Variants in MAP2K7 observed in about 807,000 individuals in gnomAD.
The protein encoded by MAP2K7 is mitogen-activated protein kinase kinase 7.
A neutral mutation model predicts 47.7 loss-of-function variants in MAP2K7; 12 were observed. The ratio of observed to expected loss-of-function variants is 0.25; its 90% CI spans 0.16 to 0.41. MAP2K7 has a LOEUF of 0.41. MAP2K7 is among the 10% of genes least tolerant of loss of function. The pLI, the probability that MAP2K7 is intolerant of heterozygous loss-of-function variation, is 1.00. For missense variants in MAP2K7, 415 were observed against 600.3 expected (o/e 0.69, Z 3.23); for synonymous variants, 299 against 243.0 (o/e 1.23, Z -2.14).
At chr19:7,912,086 G>A (rs1252819139) in intron 9 of MAP2K7, 63 bp from the exon 10 acceptor site, 6 of 1,517,634 alleles carry the variant, frequency 4.0e-6, no homozygotes, top group South Asian at 1.1e-5. Flanking sequence ...CCTGAGCACA[G>A]GGGTGGGGCC....
intron 9 of MAP2K7, 97 bp downstream of exon 9, chr19:7,911,675 G>T: frequency 3.2e-6 from 4 of 1,252,836 alleles, no homozygotes; most frequent in Non-Finnish European, 1.1e-6. Flanking sequence ...CGCACCCTGG[G>T]ATGGGCGGAT....
chr19:7,905,268 C>CA (rs1982373023), intron 1 of MAP2K7, among the ~76,000 whole-genome samples: 1 of 102,608 alleles, frequency 9.7e-6, no homozygotes, highest in Non-Finnish European at 2.3e-5. Flanking sequence ...AAAGGTACCC[C>CA]CGTATCTGGG....
At chr19:7,910,190 G>C (rs745916975) in intron 3 of MAP2K7, 61 bp downstream of exon 3, 1 of 1,597,106 alleles carries the variant, frequency 6.3e-7, no homozygotes, top group South Asian at 1.1e-5. Flanking sequence ...CCCATCCTGG[G>C]AGCGCCAGTG....
Position 7,910,589 on chromosome 19 carries a change from G to A in MAP2K7, c.567+17G>A, listed in dbSNP as rs201177413. 653 of 1,613,242 alleles carry A rather than the reference G, an allele frequency of 4.0e-4. 8 individuals carry two copies. In the South Asian group the frequency reaches 6.4e-3, roughly 16 times the overall value. On this transcript the variant is annotated intron_variant, in intron 5 of 10. Coordinates refer to ENST00000397979, the MANE Select transcript of MAP2K7 (RefSeq NM_145185.4). ...ATCACCAACGTGAGTACCTGGCCGCGCCCTGCAGCGTCTCCTCCTCCCTCA... is the reference window on the plus strand; with the variant it reads ...ATCACCAACGTGAGTACCTGGCCGCACCCTGCAGCGTCTCCTCCTCCCTCA...
At position 7,914,424 on chromosome 19, in the gene MAP2K7, G is replaced by A. The variant is rs1192648557; in HGVS notation, c.*1993G>A. On this transcript the variant is annotated 3_prime_UTR_variant, in exon 11 of 11. Transcript: ENST00000397979. ...GCCCTGCCCCTTTTTAAAACAAAAT[G>A]CCCTCGTTTGTAAACCCTTAGACGC... 6.6e-6 allele frequency: 1 copy of A among 152,328 alleles called. No homozygotes were observed. The highest frequency in any genetic ancestry group is 1.5e-5 in the Non-Finnish European group (1 of 68,066). The allele number at this position is 152,328 out of a possible 1,614,324, so 9.4% of individuals were successfully genotyped here.
intron 1 of MAP2K7, among the ~76,000 whole-genome samples, chr19:7,907,673 G>C (rs1982554089): frequency 6.6e-6 from 1 of 152,190 alleles, no homozygotes; most frequent in Non-Finnish European, 1.5e-5. Flanking sequence ...TGGTCCGGCA[G>C]CCTCCTCCCC....
Position 7,913,041 on chromosome 19 carries a change from G to GTGCTCTCTCT in MAP2K7, c.*610_*611insTGCTCTCTCT, listed in dbSNP as rs1184417328. 2.2e-5 allele frequency: 3 copies of GTGCTCTCTCT among 134,886 alleles called. No individual in the cohort carries two copies. The highest frequency in any genetic ancestry group is 1.4e-4 in the Admixed American group (2 of 14,084). The allele number at this position is 134,886 out of a possible 1,614,324, so 8.4% of individuals were successfully genotyped here. Reference sequence around the variant, plus strand: ...TGCGGCTGGACGGGGCTGCGCGCTCGCGCTCTCTCTCTCTCTCTCTCTCTC... The same window carrying GTGCTCTCTCT: ...TGCGGCTGGACGGGGCTGCGCGCTCGTGCTCTCTCTCGCTCTCTCTCTCTCTCTCTCTCTC... On this transcript the variant is annotated 3_prime_UTR_variant, in exon 11 of 11. Transcript: ENST00000397979.
In MAP2K7 at chr19:7,904,307, G is replaced by GC. The variant is rs1982294910; in HGVS notation, c.124+244dup. On this transcript the variant is annotated intron_variant, in intron 1 of 10. Coordinates refer to ENST00000397979, the MANE Select transcript of MAP2K7 (RefSeq NM_145185.4). Reference sequence around the variant, plus strand: ...AGCCCAGTTCCCGGACCCAGGCGAGGCCCCCAGCTGATGACCCGCCCCCAT... The same window carrying GC: ...AGCCCAGTTCCCGGACCCAGGCGAGGCCCCCCAGCTGATGACCCGCCCCCAT... The GC allele has an allele frequency of 7.8e-5, 18 of 229,780 alleles. No homozygotes were observed. In the South Asian group the frequency reaches 1.4e-3, roughly 18 times the overall value. 14.2% of individuals were successfully genotyped at this position (229,780 alleles called of 1,614,324 possible).
rs992007048 is a variant in MAP2K7 at position 7,905,800 on chromosome 19, C to T, written c.124+1732C>T. 4 of 1,611,358 alleles carry T rather than the reference C, an allele frequency of 2.5e-6. No individual in the cohort carries two copies. In the African/African-American group the frequency reaches 5.3e-5, roughly 22 times the overall value. ...GGTGTTGTTTTTTTCTTCCTTTTCCCCATCCAGTTATTGTGATCACTCTAA... is the reference window on the plus strand; with the variant it reads ...GGTGTTGTTTTTTTCTTCCTTTTCCTCATCCAGTTATTGTGATCACTCTAA... On this transcript the variant is annotated intron_variant, in intron 1 of 10. Transcript: ENST00000397979.
At position 7,904,064 on chromosome 19, in the gene MAP2K7, G is replaced by A; in HGVS notation, c.120G>A (p.Arg40=). The A allele has an allele frequency of 1.0e-6, 1 of 962,496 alleles. No individual in the cohort carries two copies. The allele number at this position is 962,496 out of a possible 1,614,324, so 59.6% of individuals were successfully genotyped here. A position where few individuals can be genotyped will look rare whatever the true frequency, so the allele number is the denominator to read the frequency against. The change falls in exon 1 of 11, where the codon AGG becomes AGA. Residue 40 remains arginine, a synonymous_variant. Coordinates refer to ENST00000397979, the MANE Select transcript of MAP2K7 (RefSeq NM_145185.4). ...LNLDISPQRP[R]PTLQLPLAND... Reference sequence around the variant, plus strand: ...TGGATATCAGCCCCCAGCGGCCCAGGCCCAGTAAGCACGGCGGCGTGGGGG... The same window carrying A: ...TGGATATCAGCCCCCAGCGGCCCAGACCCAGTAAGCACGGCGGCGTGGGGG...
chr19:7,908,911 C>T (rs1982631370), intron 1 of MAP2K7, among the ~76,000 whole-genome samples: 1 of 152,126 alleles, frequency 6.6e-6, no homozygotes, highest in Non-Finnish European at 1.5e-5. Flanking sequence ...GCCCTCCCAC[C>T]CCTAATGCCG....
chr19:7,903,903 C>T lies in MAP2K7; in HGVS notation c.-42C>T, dbSNP rs1236947203. On this transcript the variant is annotated 5_prime_UTR_variant, in exon 1 of 11. It adds an upstream start codon to the 5' untranslated region. Coordinates refer to ENST00000397979, the MANE Select transcript of MAP2K7 (RefSeq NM_145185.4). ...GTGCGGTGTTTGTCTGCCGGACTGA[C>T]GGGCGGCCGGGCGGTGCGCGGCGGC... is the stretch of plus-strand genomic sequence containing the variant. 4 of 1,436,888 alleles carry T rather than the reference C, an allele frequency of 2.8e-6. No homozygotes were observed. Among genetic ancestry groups the T allele is most frequent in the Non-Finnish European group, 3.7e-6 (4 of 1,080,724 alleles). 89.0% of individuals were successfully genotyped at this position (1,436,888 alleles called of 1,614,324 possible).
chr19:7,911,628 G>T (rs753307013), intron 9 of MAP2K7, 50 bp downstream of exon 9: 11 of 1,521,872 alleles, frequency 7.2e-6, no homozygotes, highest in Non-Finnish European at 9.7e-6. Context: ...GCTGCTCTGG[G>T]CAGCTGGGGA....
Position 7,904,028 on chromosome 19 carries a change from C to T in MAP2K7, c.84C>T (p.Ile28=). The T allele has an allele frequency of 6.6e-7, 1 of 1,526,240 alleles. No homozygotes were observed. The highest frequency in any genetic ancestry group is 8.8e-7 in the Non-Finnish European group (1 of 1,134,642). 94.5% of individuals were successfully genotyped at this position (1,526,240 alleles called of 1,614,324 possible). ...KQENREARRR[I]DLNLDISPQR... ...AGAACCGGGAGGCCCGGCGGAGGAT[C>T]GACCTCAACCTGGATATCAGCCCCC... Residue 28 remains isoleucine (I), a synonymous_variant, in exon 1 of 11, where the codon ATC becomes ATT. Coordinates refer to ENST00000397979, the MANE Select transcript of MAP2K7 (RefSeq NM_145185.4).
At position 7,910,808 on chromosome 19, in the gene MAP2K7, GTGAC is replaced by G. The variant is rs1982790109; in HGVS notation, c.675+6_675+9del. 6.3e-7 allele frequency: 1 copy of G among 1,585,694 alleles called. No homozygotes were observed. The highest frequency in any genetic ancestry group is 1.3e-5 in the African/African-American group (1 of 74,448). On this transcript the variant is annotated splice_donor_region_variant and intron_variant, in intron 6 of 10. Coordinates refer to ENST00000397979, the MANE Select transcript of MAP2K7 (RefSeq NM_145185.4). ...CTGGGCAAGATGACAGTGGCGGTGAGTGACCAGGCGGGGCTTGCACTGGGCAGGA... is the reference window on the plus strand; with the variant it reads ...CTGGGCAAGATGACAGTGGCGGTGAGCAGGCGGGGCTTGCACTGGGCAGGA...
intron 1 of MAP2K7, 74 bp downstream of exon 1, chr19:7,904,142 C>G (rs939030282): frequency 1.7e-6 from 2 of 1,146,212 alleles, no homozygotes; most frequent in Non-Finnish European, 2.2e-6. Context: ...CCGCCCCCAC[C>G]ACAAGGCCCC....
At chr19:7,910,215 G>A (rs757144085) in intron 3 of MAP2K7, 45 bp from the exon 4 acceptor site, 2 of 1,604,974 alleles carry the variant, frequency 1.2e-6, no homozygotes, top group East Asian at 2.2e-5. Context: ...GCAGGGGGCG[G>A]TGGCAGAGGC....
intron 1 of MAP2K7, among the ~76,000 whole-genome samples, chr19:7,905,284 C>T (rs766176009): frequency 3.9e-5 from 6 of 152,196 alleles, no homozygotes; most frequent in Non-Finnish European, 7.3e-5. Context: ...CTGGGCACCC[C>T]ACCCATTCCC....
rs768319722 is a variant in MAP2K7, at chr19:7,910,434, C to T, written c.448-19C>T. ...CCCCAGGCCGGTGCTGAGGCTCCCTCCTGTCCCTGCCTGTGCAGCAAATGC... is the reference window on the plus strand; with the variant it reads ...CCCCAGGCCGGTGCTGAGGCTCCCTTCTGTCCCTGCCTGTGCAGCAAATGC... On this transcript the variant is annotated intron_variant, in intron 4 of 10. Coordinates refer to ENST00000397979, the MANE Select transcript of MAP2K7 (RefSeq NM_145185.4). The T allele has an allele frequency of 1.2e-6, 2 of 1,603,292 alleles. No homozygotes were observed. The highest frequency in any genetic ancestry group is 1.7e-6 in the Non-Finnish European group (2 of 1,175,506).
Sources: allele counts gnomAD v4.1 joint callset (sites outside exome capture counted in the v4.1 genomes callset), GRCh38; gene constraint gnomAD v4.1.1; transcripts MANE v1.5; gene names NCBI Gene and HGNC (gene_info 2026-07-23, HGNC 2026-07-21).